The following NCAPD3 variants were observed in gnomAD, a reference collection of about 807,000 sequenced individuals.
The protein encoded by NCAPD3 is condensin-2 complex subunit D3.
NCAPD3 carries 105 observed loss-of-function variants against 182.9 expected under a neutral mutation model. That is an observed-to-expected ratio of 0.57 (90% CI 0.49 to 0.68). NCAPD3 has a LOEUF of 0.68. Among genes scored for constraint, NCAPD3 ranks in the 30% least tolerant of loss-of-function variants. NCAPD3 has a pLI of 0.00. For missense variants in NCAPD3, 1,944 were observed against 1,837.0 expected (o/e 1.06, Z -1.07); for synonymous variants, 815 against 679.9 (o/e 1.20, Z -3.09).
chr11:134,167,517 A>G (rs1312923074), intron 27 of NCAPD3, among the ~76,000 whole-genome samples: 3 of 110,430 alleles, frequency 2.7e-5, no homozygotes, highest in African/African-American at 3.5e-5. Flanking sequence ...AGATGAGCTC[A>G]GGGGAGCTGC....
At chr11:134,202,119 C>T (rs10750557) in intron 13 of NCAPD3, among the ~76,000 whole-genome samples, 67,007 of 152,084 alleles carry the variant, frequency 0.44, 16,985 homozygotes, top group African/African-American at 0.71. Context: ...TGGAACGCAT[C>T]GGGAAGGACC....
chr11:134,216,748 G>A (rs931558573), intron 3 of NCAPD3, among the ~76,000 whole-genome samples, 188 bp downstream of exon 3: 1 of 152,106 alleles, frequency 6.6e-6, no homozygotes, highest in African/African-American at 2.4e-5. Context: ...AAAAAAAAAG[G>A]GGGAAGGTTT....
rs765299250 is a variant in NCAPD3, at chr11:134,185,382, G to C, written c.2190C>G (p.Pro730=). ...MLLSKIAGSS[P]RLDYSRIIQS... ...GTATTATTCTGCTGTAGTCCAGCCTGGGTGAGGAGCCAGCAATCTTGGAGA... is the reference window on the plus strand; with the variant it reads ...GTATTATTCTGCTGTAGTCCAGCCTCGGTGAGGAGCCAGCAATCTTGGAGA... Residue 730 remains proline (P), a synonymous_variant, in exon 17 of 35, where the codon CCC becomes CCG. Transcript: ENST00000534548. 2 of 1,613,828 alleles carry C rather than the reference G, an allele frequency of 1.2e-6. No individual in the cohort carries two copies. The highest frequency in any genetic ancestry group is 1.7e-6 in the Non-Finnish European group (2 of 1,179,878).
Position 134,151,181 on chromosome 11 carries a change from C to T in NCAPD3, c.*1763G>A, listed in dbSNP as rs1943220632. The T allele has an allele frequency of 1.3e-5, 2 of 152,246 alleles. No homozygotes were observed. The highest frequency in any genetic ancestry group is 4.1e-4 in the South Asian group (2 of 4,838). The allele number at this position is 152,246 out of a possible 1,614,324, so 9.4% of individuals were successfully genotyped here. A position where few individuals can be genotyped will look rare whatever the true frequency, so the allele number is the denominator to read the frequency against. On this transcript the variant is annotated 3_prime_UTR_variant, in exon 35 of 35. Coordinates refer to ENST00000534548, the MANE Select transcript of NCAPD3 (RefSeq NM_015261.3). ...CTTCCAGTGTCTTGGGTTTTTTATA[C>T]TTTGACAGCTTTTTTTTAATTGCAT... is the stretch of plus-strand genomic sequence containing the variant.
chr11:134,177,556 T>A, intron 22 of NCAPD3, 99 bp from the exon 23 acceptor site: 2 of 1,061,836 alleles, frequency 1.9e-6, no homozygotes, highest in Non-Finnish European at 2.7e-6. Flanking sequence ...TTCTATTTCA[T>A]CAAAGTTAAA....
chr11:134,221,762 G>A lies in NCAPD3; in HGVS notation c.65-1036C>T, dbSNP rs183896705. Among the ~76,000 whole-genome samples the A allele has an allele frequency of 4.6e-5, 7 of 152,304 alleles. No individual in the cohort carries two copies. The East Asian group carries it at 1.4e-3, about 29-fold the overall frequency. On this transcript the variant is annotated intron_variant, in intron 1 of 34. Transcript: ENST00000534548. The stretch of plus-strand genomic sequence containing the variant: ...GAGCATTACACTGCACTCGGCAAAT[G>A]AAAATGAAAGGCCTTACACTCAACT...
intron 27 of NCAPD3, among the ~76,000 whole-genome samples, chr11:134,163,337 G>A (rs925214311): frequency 5.9e-5 from 9 of 152,066 alleles, no homozygotes; most frequent in African/African-American, 2.2e-4. Flanking sequence ...AAAGCTTCCT[G>A]CCACCCCTCA....
chr11:134,209,532 C>A, intron 4 of NCAPD3, 55 bp from the exon 5 acceptor site: 1 of 1,524,604 alleles, frequency 6.6e-7, no homozygotes. Context: ...CACTTTGTCC[C>A]ATGGTTTTCA....
At position 134,202,824 on chromosome 11, in the gene NCAPD3, C is replaced by G; in HGVS notation, c.1607G>C (p.Gly536Ala). 2 of 1,603,458 alleles carry G rather than the reference C, an allele frequency of 1.2e-6. No individual in the cohort carries two copies. Among genetic ancestry groups the G allele is most frequent in the Non-Finnish European group, 1.7e-6 (2 of 1,175,036 alleles). The stretch of plus-strand genomic sequence containing the variant: ...GATAAAATCTGACATACCTCCAGAT[C>G]CAACTGTTTCACCACTGCTGTCTAT... Reference protein sequence around the residue: ...INIDSSGETVGSGERCVMAML... With the variant: ...INIDSSGETVASGERCVMAML... Residue 536 changes from glycine (G) to alanine (A), a missense_variant, in exon 13 of 35, where the codon GGA (glycine) becomes GCA (alanine). Gly to Ala is a moderately conservative substitution (Grantham distance 60). Coordinates refer to ENST00000534548, the MANE Select transcript of NCAPD3 (RefSeq NM_015261.3).
rs1285042924 is a variant in NCAPD3, at chr11:134,217,068, C to T, written c.250G>A (p.Val84Ile). The change falls in exon 3 of 35, where the codon GTT becomes ATT. Residue 84 changes from valine to isoleucine, a missense_variant. Coordinates refer to ENST00000534548, the MANE Select transcript of NCAPD3 (RefSeq NM_015261.3). ...SIWTFFIENN[V>I]SHSTLVALFY... ...AATGCCACCAGTGTACTATGGGAAA[C>T]ATTGTTCTCAATGAAGAAGGTCCAG... The T allele has an allele frequency of 6.2e-7, 1 of 1,612,592 alleles. No individual in the cohort carries two copies. Among genetic ancestry groups the T allele is most frequent in the African/African-American group, 1.3e-5 (1 of 74,954 alleles).
intron 27 of NCAPD3, among the ~76,000 whole-genome samples, chr11:134,167,079 ACACT>A (rs1360254653): frequency 3.1e-5 from 3 of 97,894 alleles, no homozygotes; most frequent in South Asian, 4.0e-4. Context: ...GGGGAGCTGC[ACACT>A]CACTAGTGAG....
At chr11:134,225,208 C>T, upstream of NCAPD3, 2 of 1,614,148 alleles carry the variant, frequency 1.2e-6, no homozygotes, top group Non-Finnish European at 1.7e-6. Flanking sequence ...GAGCACAAGA[C>T]GGAGGACGGG....
In NCAPD3 at chr11:134,160,655, G is replaced by T. The variant is rs141224262; in HGVS notation, c.3685-581C>A. ...AAAACATTCTTAGGTCTTAAAGAGG[G>T]GTGCCAGGGGCAAGACCACTTTGCT... On this transcript the variant is annotated intron_variant, in intron 28 of 34. Coordinates refer to ENST00000534548, the MANE Select transcript of NCAPD3 (RefSeq NM_015261.3). Among the ~76,000 whole-genome samples the T allele has an allele frequency of 3.2e-4, 48 of 152,240 alleles. 1 individual carries two copies. The highest frequency in any genetic ancestry group is 6.8e-4 in the Non-Finnish European group (46 of 68,030).
chr11:134,197,632 T>C (rs1318268822), intron 13 of NCAPD3, among the ~76,000 whole-genome samples: 2 of 152,174 alleles, frequency 1.3e-5, no homozygotes, highest in African/African-American at 4.8e-5. Context: ...CAATATTCCT[T>C]ATGAATATGA....
At position 134,153,371 on chromosome 11, in the gene NCAPD3, A is replaced by G. The variant is rs1555123425; in HGVS notation, c.4253-8T>C. 1.9e-6 allele frequency: 3 copies of G among 1,613,990 alleles called. No homozygotes were observed. The highest frequency in any genetic ancestry group is 2.5e-6 in the Non-Finnish European group (3 of 1,179,932). On this transcript the variant is annotated splice_polypyrimidine_tract_variant and splice_region_variant and intron_variant, in intron 32 of 34. Coordinates refer to ENST00000534548, the MANE Select transcript of NCAPD3 (RefSeq NM_015261.3). ...TGACATCACTGATGCTCTCTGCATA[A>G]AGAGGAGACACCACTGAGTGAAAGC...
At chr11:134,160,910 G>GT (rs1400465585) in intron 28 of NCAPD3, among the ~76,000 whole-genome samples, 1 of 151,160 alleles carries the variant, frequency 6.6e-6, no homozygotes, top group African/African-American at 2.4e-5. Flanking sequence ...TTTCTTAAGT[G>GT]TTTAAGTAGT....
At chr11:134,186,170 A>C (rs1944401989) in intron 16 of NCAPD3, 1 of 152,122 alleles carries the variant, frequency 6.6e-6, no homozygotes, top group African/African-American at 2.4e-5. Flanking sequence ...ATAAAAAACA[A>C]TGCTTCTGAT....
chr11:134,199,194 T>G (rs1944697395), intron 13 of NCAPD3, among the ~76,000 whole-genome samples: 1 of 152,200 alleles, frequency 6.6e-6, no homozygotes, highest in Non-Finnish European at 1.5e-5. Flanking sequence ...TAAAATTGAC[T>G]ATCACAGGAT....
chr11:134,179,497 G>A (rs1205974480), intron 20 of NCAPD3, among the ~76,000 whole-genome samples: 1 of 152,190 alleles, frequency 6.6e-6, no homozygotes, highest in Non-Finnish European at 1.5e-5. Flanking sequence ...ATAACTTACT[G>A]CACTATTCCA....
Sources: gnomAD v4.1 joint callset for allele counts (sites outside exome capture counted in the v4.1 genomes callset) on GRCh38, gnomAD v4.1.1 for gene constraint, MANE v1.5 for transcripts, NCBI Gene and HGNC (gene_info 2026-07-23, HGNC 2026-07-21) for gene names.